TDRP: variants seen among roughly 807,000 people sequenced by gnomAD.
TDRP encodes the protein testis development related protein, also known as testis development-related protein.
A neutral mutation model predicts 10.5 loss-of-function variants in TDRP; 12 were observed. The ratio of observed to expected loss-of-function variants is 1.15; its 90% confidence interval spans 0.73 to 1.86. The LOEUF (loss-of-function observed/expected upper bound fraction) is 1.86, where lower values mean the gene tolerates loss of function less well. Ranked by LOEUF, TDRP falls within the 40% of genes most tolerant of loss-of-function variation. The pLI is 0.00. For synonymous variants in TDRP, 139 were observed against 95.4 expected (o/e 1.46, Z -2.67); for missense variants, 353 against 229.2 (o/e 1.54, Z -3.49).
intron 1 of TDRP, among the ~76,000 whole-genome samples, chr8:502,453 CCAG>C: frequency 6.6e-6 from 1 of 152,212 alleles, no homozygotes; most frequent in East Asian, 1.9e-4. Flanking sequence ...CATAGCGAGA[CCAG>C]GCTCCCACCA....
chr8:492,812 C>A, intron 2 of TDRP, 68 bp from the exon 3 acceptor site: 1 of 1,230,130 alleles, frequency 8.1e-7, no homozygotes, highest in Non-Finnish European at 1.1e-6. Context: ...ATCCATTTTA[C>A]AAACATAAAA....
intron 1 of TDRP, among the ~76,000 whole-genome samples, chr8:538,261 C>T (rs1262714050): frequency 6.6e-6 from 1 of 152,158 alleles, no homozygotes; most frequent in Admixed American, 6.5e-5. Flanking sequence ...ACTCAGACAT[C>T]AAGGCCAGGG....
In TDRP at chr8:492,475, C is replaced by T. The variant is rs1320958702; in HGVS notation, c.482G>A (p.Arg161His). The change falls in exon 3 of 3, where the codon CGC becomes CAC. Residue 161 changes from arginine to histidine, a missense_variant. By Grantham distance (29) the Arg-to-His change is conservative (BLOSUM62 0). Coordinates refer to ENST00000324079, the MANE Select transcript of TDRP (RefSeq NM_001384899.1). ...GATGCTCACCAGCCTCCCTGCCGCG[C>T]GCAGGCTCCACCTGGAGCTGTTGGC... ...SSANSSRWSL[R>H]AAGRLVSIRR... 10 of 1,607,126 alleles carry T rather than the reference C, an allele frequency of 6.2e-6. No individual in the cohort carries two copies. Among genetic ancestry groups the T allele is most frequent in the Admixed American group, 1.7e-5 (1 of 59,622 alleles).
At chr8:506,362 C>T (rs996819258) in intron 1 of TDRP, among the ~76,000 whole-genome samples, 2 of 152,204 alleles carry the variant, frequency 1.3e-5, no homozygotes, top group Admixed American at 6.5e-5. Flanking sequence ...CAGCCAACAG[C>T]ACAGGCTCCC....
chr8:525,051 G>A (rs1357530994), intron 1 of TDRP, among the ~76,000 whole-genome samples: 3 of 152,094 alleles, frequency 2.0e-5, no homozygotes, highest in Non-Finnish European at 4.4e-5. Flanking sequence ...GATAAAGAAA[G>A]GATTCTAAAG....
intron 1 of TDRP, among the ~76,000 whole-genome samples, chr8:513,041 G>C (rs962919989): frequency 1.3e-5 from 2 of 150,582 alleles, no homozygotes; most frequent in Non-Finnish European, 2.9e-5. Flanking sequence ...AAAAGCTCAG[G>C]CCCAGATATG....
intron 1 of TDRP, among the ~76,000 whole-genome samples, chr8:522,654 G>C (rs970233944): frequency 1.3e-5 from 2 of 152,162 alleles, no homozygotes; most frequent in African/African-American, 2.4e-5. Flanking sequence ...AAGGTAGCTT[G>C]ACTCTTTGTT....
rs765960103 is a variant in TDRP, at chr8:492,396, C to G, written c.*3G>C. 26 of 1,517,346 alleles carry G rather than the reference C, an allele frequency of 1.7e-5. No individual in the cohort carries two copies. The highest frequency in any genetic ancestry group is 2.1e-5 in the Non-Finnish European group (24 of 1,130,638). The allele number at this position is 1,517,346 out of a possible 1,614,324, so 94.0% of individuals were successfully genotyped here. On this transcript the variant is annotated 3_prime_UTR_variant, in exon 3 of 3. Transcript: ENST00000324079. The stretch of plus-strand genomic sequence containing the variant: ...TCGGGGCACACTTGCCACGCAGCCC[C>G]CCTCACTCCGCCTCCTCCGGGCTAT...
chr8:513,028 A>T (rs1801660170), intron 1 of TDRP, among the ~76,000 whole-genome samples: 1 of 152,116 alleles, frequency 6.6e-6, no homozygotes, highest in African/African-American at 2.4e-5. Flanking sequence ...GCTACCCAAA[A>T]AGAAAAGCTC....
chr8:517,401 G>A (rs1260886127), intron 1 of TDRP, among the ~76,000 whole-genome samples: 2 of 152,126 alleles, frequency 1.3e-5, no homozygotes, highest in Middle Eastern at 3.2e-3. Context: ...ATCTGACACC[G>A]TTTAAGGTCT....
intron 1 of TDRP, among the ~76,000 whole-genome samples, chr8:495,545 A>C (rs1801101248): frequency 6.6e-6 from 1 of 152,236 alleles, no homozygotes. Context: ...GAATGGAGAA[A>C]ACCATCTGAA....
chr8:543,100 G>T (rs1802542304), intron 1 of TDRP, among the ~76,000 whole-genome samples: 1 of 152,118 alleles, frequency 6.6e-6, no homozygotes, highest in Admixed American at 6.5e-5. Flanking sequence ...GTGAGCCCAG[G>T]AGTTTCAGAT....
intron 1 of TDRP, among the ~76,000 whole-genome samples, chr8:500,555 C>T (rs746297826): frequency 1.3e-5 from 2 of 152,234 alleles, no homozygotes; most frequent in African/African-American, 2.4e-5. Context: ...ATCCTTCATA[C>T]TTAATCTCAC....
intron 1 of TDRP, among the ~76,000 whole-genome samples, chr8:533,255 C>T (rs1205469077): frequency 6.6e-6 from 1 of 152,170 alleles, no homozygotes; most frequent in African/African-American, 2.4e-5. Flanking sequence ...CACTGCTGGG[C>T]TCCTCAACTC....
chr8:491,447 G>A lies in TDRP; in HGVS notation c.*952C>T. On this transcript the variant is annotated 3_prime_UTR_variant, in exon 3 of 3. Coordinates refer to ENST00000324079, the MANE Select transcript of TDRP (RefSeq NM_001384899.1). The stretch of plus-strand genomic sequence containing the variant: ...CAGACAGAAAAAGAACGCGAGAGAT[G>A]CTCTCAAACCGGTCGTCGATTATTC... 3.4e-6 allele frequency: 2 copies of A among 587,834 alleles called. No homozygotes were observed. Among genetic ancestry groups the A allele is most frequent in the Non-Finnish European group, 5.4e-6 (2 of 368,632 alleles). The allele number at this position is 587,834 out of a possible 1,614,324, so 36.4% of individuals were successfully genotyped here.
chr8:502,622 C>T (rs1325718806), intron 1 of TDRP, among the ~76,000 whole-genome samples: 1 of 152,214 alleles, frequency 6.6e-6, no homozygotes, highest in East Asian at 1.9e-4. Flanking sequence ...ACATGGAATC[C>T]AGAGCCACAC....
At chr8:512,666 C>G (rs1297481761) in intron 1 of TDRP, among the ~76,000 whole-genome samples, 1 of 151,902 alleles carries the variant, frequency 6.6e-6, no homozygotes, top group Non-Finnish European at 1.5e-5. Context: ...AACACAAAAT[C>G]TGAATACATA....
At chr8:526,562 A>C (rs1337963390) in intron 1 of TDRP, among the ~76,000 whole-genome samples, 3 of 152,176 alleles carry the variant, frequency 2.0e-5, no homozygotes, top group Non-Finnish European at 4.4e-5. Flanking sequence ...TGGGATAAAA[A>C]GATCATAATT....
rs116979939 is a variant in TDRP, at chr8:535,928, T to G, written c.108+8722A>C. 2.3e-3 allele frequency among the ~76,000 whole-genome samples: 357 copies of G among 152,096 alleles called. 10 individuals are homozygous for G. The East Asian group carries it at 0.062, about 26-fold the overall frequency. On this transcript the variant is annotated intron_variant, in intron 1 of 2. Coordinates refer to ENST00000324079, the MANE Select transcript of TDRP (RefSeq NM_001384899.1). ...GGGCTCCACATTCAGTGACGTTCAGTTTTCAAGACAGTGACTGACTCACAA... is the reference window on the plus strand; with the variant it reads ...GGGCTCCACATTCAGTGACGTTCAGGTTTCAAGACAGTGACTGACTCACAA...
Sources: gnomAD v4.1 joint callset for allele counts (sites outside exome capture counted in the v4.1 genomes callset) on GRCh38, gnomAD v4.1.1 for gene constraint, MANE v1.5 for transcripts, NCBI Gene and HGNC (gene_info 2026-07-23, HGNC 2026-07-21) for gene names.